Variants in GPD2 observed in about 807,000 individuals in gnomAD.
GPD2 encodes the protein glycerol-3-phosphate dehydrogenase, mitochondrial.
In GPD2, 54 loss-of-function variants were observed where a neutral mutation model predicts 82.4. The ratio of observed to expected loss-of-function variants is 0.66; its 90% CI spans 0.53 to 0.82. GPD2 has a LOEUF of 0.82. Among genes scored for constraint, GPD2 ranks in the 40% least tolerant of loss-of-function variants. The pLI is 0.00. For missense variants in GPD2, 748 were observed against 896.2 expected, an observed-to-expected ratio of 0.83 and a Z score of 2.11; for synonymous variants, 288 against 306.1, an observed-to-expected ratio of 0.94 and a Z score of 0.62.
At chr2:156,537,660 C>T (rs1686133842) in intron 6 of GPD2, among the ~76,000 whole-genome samples, 1 of 152,078 alleles carries the variant, frequency 6.6e-6, no homozygotes, top group Non-Finnish European at 1.5e-5. Flanking sequence ...TACATGTCAC[C>T]ATTGTCCAGC....
intron 5 of GPD2, among the ~76,000 whole-genome samples, 159 bp from the exon 6 acceptor site, chr2:156,513,174 A>AG (rs1685064371): frequency 6.6e-6 from 1 of 152,220 alleles, no homozygotes; most frequent in Non-Finnish European, 1.5e-5. Context: ...GACTTCAGCT[A>AG]GGTTGGTGTC....
At chr2:156,484,196 G>A (rs1315280053) in intron 2 of GPD2, among the ~76,000 whole-genome samples, 2 of 151,800 alleles carry the variant, frequency 1.3e-5, no homozygotes, top group Non-Finnish European at 2.9e-5. Context: ...GTGCAGTGGC[G>A]GGATCTCGGC....
Position 156,579,846 on chromosome 2 carries a change from C to A in GPD2, c.2058+58C>A, listed in dbSNP as rs989651398. On this transcript the variant is annotated intron_variant, in intron 16 of 16. Transcript: ENST00000438166. Reference sequence around the variant, plus strand: ...GCTTTTATCTTTTGTTTGTCATGATCATAAATGCATGTTCAAGAATGGATA... The same window carrying A: ...GCTTTTATCTTTTGTTTGTCATGATAATAAATGCATGTTCAAGAATGGATA... 1.9e-5 allele frequency: 16 copies of A among 825,762 alleles called. No individual in the cohort carries two copies. In the Admixed American group the frequency reaches 2.5e-4, roughly 13 times the overall value. The allele number at this position is 825,762 out of a possible 1,614,324, so 51.2% of individuals were successfully genotyped here. A position where few individuals can be genotyped will look rare whatever the true frequency, so the allele number is the denominator to read the frequency against.
intron 6 of GPD2, among the ~76,000 whole-genome samples, chr2:156,541,824 GTTTT>G (rs61067726): frequency 2.5e-5 from 2 of 81,468 alleles, no homozygotes; most frequent in African/African-American, 9.8e-5. Context: ...AATGCTGTTT[GTTTT>G]TTTTTTTTTT....
At chr2:156,429,807 G>A in the GPD2 span, among the ~76,000 whole-genome samples, 6 of 152,010 alleles carry the variant, frequency 3.9e-5, no homozygotes, top group African/African-American at 9.7e-5. Context: ...TTAAGAATTC[G>A]TGTATCAAGT....
chr2:156,538,105 CAGATATTCTACT>C (rs1325448226), intron 6 of GPD2, among the ~76,000 whole-genome samples: 1 of 152,166 alleles, frequency 6.6e-6, no homozygotes, highest in Non-Finnish European at 1.5e-5. Flanking sequence ...TGAGAGACAT[CAGATATTCTACT>C]AGCTGTTAGG....
At chr2:156,485,807 G>T (rs1259881188) in intron 2 of GPD2, among the ~76,000 whole-genome samples, 4 of 152,190 alleles carry the variant, frequency 2.6e-5, no homozygotes, top group Non-Finnish European at 5.9e-5. Context: ...TGGAAGAAAA[G>T]AAAAAGTTTT....
At chr2:156,467,686 A>G (rs1233694426) in intron 1 of GPD2, among the ~76,000 whole-genome samples, 1 of 152,170 alleles carries the variant, frequency 6.6e-6, no homozygotes, top group African/African-American at 2.4e-5. Context: ...CCTTGGGTCA[A>G]TTTCCTGTCC....
At chr2:156,552,567 A>G (rs930168446) in intron 8 of GPD2, among the ~76,000 whole-genome samples, 8 of 152,194 alleles carry the variant, frequency 5.3e-5, no homozygotes, top group African/African-American at 1.7e-4. Context: ...TACTAGATTC[A>G]ACATATTCTC....
At chr2:156,541,377 C>T (rs1237230215) in intron 6 of GPD2, among the ~76,000 whole-genome samples, 1 of 152,160 alleles carries the variant, frequency 6.6e-6, no homozygotes, top group African/African-American at 2.4e-5. Flanking sequence ...GCATGTGACT[C>T]CTCCACATTA....
At chr2:156,548,877 A>G (rs1322717279) in intron 6 of GPD2, among the ~76,000 whole-genome samples, 1 of 152,142 alleles carries the variant, frequency 6.6e-6, no homozygotes, top group East Asian at 1.9e-4. Context: ...ATAAATAGAA[A>G]AAGTCTCTAG....
intron 6 of GPD2, among the ~76,000 whole-genome samples, chr2:156,527,084 A>C (rs1685635950): frequency 6.6e-6 from 1 of 152,118 alleles, no homozygotes; most frequent in Admixed American, 6.5e-5. Flanking sequence ...TTAATAATTA[A>C]ATCAATTTTG....
Position 156,578,931 on chromosome 2 carries a change from G to A in GPD2, c.1810G>A (p.Gly604Ser), listed in dbSNP as rs144820532. The A allele has an allele frequency of 2.5e-6, 4 of 1,611,548 alleles. No individual in the cohort carries two copies. The highest frequency in any genetic ancestry group is 3.4e-6 in the Non-Finnish European group (4 of 1,178,104). Residue 604 changes from glycine to serine, a missense_variant, in exon 14 of 17, where the codon GGC becomes AGC. Coordinates refer to ENST00000438166, the MANE Select transcript of GPD2 (RefSeq NM_000408.5). The stretch of plus-strand genomic sequence containing the variant: ...CAGGAAGTTTCTATATTATGAAATG[G>A]GCTATAAATCTCGATCAGAACAGTT... ...TARKFLYYEM[G>S]YKSRSEQLTD...
chr2:156,400,848 C>A, the GPD2 span, among the ~76,000 whole-genome samples: 1 of 152,072 alleles, frequency 6.6e-6, no homozygotes, highest in South Asian at 2.1e-4. Flanking sequence ...CCAAATCAGC[C>A]GACGTTTGCT....
intron 6 of GPD2, among the ~76,000 whole-genome samples, chr2:156,528,133 A>G (rs1685682141): frequency 6.6e-6 from 1 of 152,164 alleles, no homozygotes; most frequent in Admixed American, 6.5e-5. Flanking sequence ...AACCCAATTT[A>G]TTATTTTCAA....
intron 1 of GPD2, among the ~76,000 whole-genome samples, chr2:156,464,697 G>A (rs894049989): frequency 3.3e-5 from 5 of 152,094 alleles, no homozygotes; most frequent in African/African-American, 1.2e-4. Flanking sequence ...TGAAGTTATT[G>A]TGCTATAACT....
chr2:156,437,198 A>G (rs915192767), intron 1 of GPD2, among the ~76,000 whole-genome samples: 5 of 152,268 alleles, frequency 3.3e-5, no homozygotes, highest in African/African-American at 1.2e-4. Flanking sequence ...TAAATATCAT[A>G]GGAGGCAGCT....
chr2:156,405,768 C>T, the GPD2 span, among the ~76,000 whole-genome samples: 3 of 152,146 alleles, frequency 2.0e-5, no homozygotes, highest in Admixed American at 2.0e-4. Context: ...AGATAAGAAG[C>T]TCCCATTGAA....
chr2:156,568,709 T>C, intron 9 of GPD2, 116 bp from the exon 10 acceptor site: 1 of 868,648 alleles, frequency 1.2e-6, no homozygotes, highest in Non-Finnish European at 1.9e-6. Flanking sequence ...TTTCTCTCCT[T>C]TTTAAAGTGC....
Sources: allele counts gnomAD v4.1 joint callset (sites outside exome capture counted in the v4.1 genomes callset), GRCh38; gene constraint gnomAD v4.1.1; transcripts MANE v1.5; gene names NCBI Gene and HGNC (gene_info 2026-07-23, HGNC 2026-07-21).